RELCH: variants seen among roughly 807,000 people sequenced by gnomAD.
The protein encoded by RELCH is RAB11-binding protein RELCH.
Under a neutral mutation model 150.3 loss-of-function variants are expected in RELCH, and 41 were observed. The ratio of observed to expected loss-of-function variants is 0.27; its 90% CI spans 0.21 to 0.35. The LOEUF (loss-of-function observed/expected upper bound fraction) is 0.35. RELCH is among the 10% of genes least tolerant of loss of function. The pLI, the probability that RELCH is intolerant of heterozygous loss-of-function variation, is 1.00. For synonymous variants in RELCH, 478 were observed against 531.8 expected (o/e 0.90, Z 1.39); for missense variants, 1,092 against 1,467.8 (o/e 0.74, Z 4.18).
intron 11 of RELCH, chr18:62,247,105 G>A (rs2042455447): frequency 6.6e-6 from 1 of 152,192 alleles, no homozygotes; most frequent in Non-Finnish European, 1.5e-5. Flanking sequence ...AGATATCTCA[G>A]GGAGTGAAGC....
chr18:62,211,498 C>T (rs2148313652), intron 2 of RELCH, among the ~76,000 whole-genome samples: 1 of 152,334 alleles, frequency 6.6e-6, no homozygotes, highest in South Asian at 2.1e-4. Context: ...TTTACAACCA[C>T]ACAGTTGTAA....
At chr18:62,290,629 G>A (rs1266027094) in intron 26 of RELCH, among the ~76,000 whole-genome samples, 1 of 152,248 alleles carries the variant, frequency 6.6e-6, no homozygotes, top group African/African-American at 2.4e-5. Flanking sequence ...AAGGGAGAAT[G>A]TATCAGAATT....
intron 2 of RELCH, among the ~76,000 whole-genome samples, chr18:62,217,718 C>T (rs1015904120): frequency 7.9e-5 from 12 of 151,866 alleles, no homozygotes; most frequent in Admixed American, 5.9e-4. Flanking sequence ...AACTTAAAAC[C>T]ACCAGAGTGA....
intron 13 of RELCH, among the ~76,000 whole-genome samples, chr18:62,256,960 T>C (rs577430156): frequency 2.6e-5 from 4 of 152,232 alleles, no homozygotes; most frequent in African/African-American, 4.8e-5. Flanking sequence ...TTTTAAGATA[T>C]GCTAAAATTG....
chr18:62,252,478 C>A lies in RELCH; in HGVS notation c.1734-186C>A, dbSNP rs1337828708. Among the ~76,000 whole-genome samples the A allele has an allele frequency of 5.9e-5, 9 of 151,872 alleles. No individual in the cohort carries two copies. The South Asian group carries it at 1.7e-3, about 28-fold the overall frequency. ...AGGTTGCAGTAAGCCAAGATTATGC[C>A]ACTGCACTCCAGCCTGGGAGACAGC... On this transcript the variant is annotated intron_variant, in intron 11 of 28. Coordinates refer to ENST00000644646, the MANE Select transcript of RELCH (RefSeq NM_001346231.2).
intron 1 of RELCH, among the ~76,000 whole-genome samples, chr18:62,190,643 C>T (rs1384413153): frequency 6.6e-6 from 1 of 152,022 alleles, no homozygotes; most frequent in Non-Finnish European, 1.5e-5. Flanking sequence ...CCCCAGAATT[C>T]CTTCATTCAA....
chr18:62,281,927 C>T lies in RELCH; in HGVS notation c.3115-379C>T, dbSNP rs2044538729. On this transcript the variant is annotated intron_variant, in intron 24 of 28. Coordinates refer to ENST00000644646, the MANE Select transcript of RELCH (RefSeq NM_001346231.2). Reference sequence around the variant, plus strand: ...AGTAAGATGTAAGTCATTAATGACTCATTGCTTTCAGAAGGTGAATAATTG... The same window carrying T: ...AGTAAGATGTAAGTCATTAATGACTTATTGCTTTCAGAAGGTGAATAATTG... 2.6e-5 allele frequency among the ~76,000 whole-genome samples: 4 copies of T among 152,144 alleles called. No individual in the cohort carries two copies. The South Asian group carries it at 8.3e-4, about 32-fold the overall frequency.
intron 27 of RELCH, among the ~76,000 whole-genome samples, chr18:62,298,094 C>T (rs1388908031): frequency 9.4e-6 from 1 of 105,944 alleles, no homozygotes; most frequent in Non-Finnish European, 1.9e-5. Context: ...TTTGCTTTAT[C>T]CCCCCCCGTC....
intron 23 of RELCH, 63 bp downstream of exon 23, chr18:62,279,919 A>T: frequency 1.0e-6 from 1 of 987,254 alleles, no homozygotes; most frequent in Admixed American, 2.1e-5. Context: ...TCAAGAAATA[A>T]CCATCAGCTC....
chr18:62,188,088 C>A, intron 1 of RELCH, 57 bp downstream of exon 1: 1 of 1,464,250 alleles, frequency 6.8e-7, no homozygotes, highest in Non-Finnish European at 9.0e-7. Context: ...TACGGAGTTA[C>A]TGTAGGGGAG....
chr18:62,197,072 A>G (rs2039099004), intron 1 of RELCH, among the ~76,000 whole-genome samples: 1 of 152,202 alleles, frequency 6.6e-6, no homozygotes, highest in Non-Finnish European at 1.5e-5. Flanking sequence ...GGAAAGGAAA[A>G]GGAAGTACAG....
rs916424770 is a variant in RELCH, at chr18:62,266,697, T to C, written c.2632-4T>C. On this transcript the variant is annotated splice_polypyrimidine_tract_variant and splice_region_variant and intron_variant, in intron 18 of 28. Transcript: ENST00000644646. Reference sequence around the variant, plus strand: ...TTTTTGAATCTTCTCTTTGGGTTGCTTAGGTAAAACCTCAGTTCCAGGAGA... The same window carrying C: ...TTTTTGAATCTTCTCTTTGGGTTGCCTAGGTAAAACCTCAGTTCCAGGAGA... 1.9e-6 allele frequency: 3 copies of C among 1,597,838 alleles called. No homozygotes were observed. Among genetic ancestry groups the C allele is most frequent in the Non-Finnish European group, 2.6e-6 (3 of 1,168,676 alleles).
chr18:62,291,663 A>G (rs1389994774), intron 27 of RELCH, 32 bp downstream of exon 27: 4 of 1,360,902 alleles, frequency 2.9e-6, no homozygotes, highest in Middle Eastern at 1.8e-4. Flanking sequence ...TGCCATATTC[A>G]TGTTTTAATA....
chr18:62,303,257 T>C (rs1367010218), intron 28 of RELCH, among the ~76,000 whole-genome samples: 2 of 152,150 alleles, frequency 1.3e-5, no homozygotes, highest in Admixed American at 1.3e-4. Flanking sequence ...GGCCTAGGGA[T>C]CTGCATTTTC....
chr18:62,302,671 T>G (rs1263418803), intron 28 of RELCH, among the ~76,000 whole-genome samples: 1 of 152,058 alleles, frequency 6.6e-6, no homozygotes, highest in East Asian at 1.9e-4. Context: ...ATTACAGGCG[T>G]GCACCATCAT....
chr18:62,207,791 A>C (rs2039905230), intron 1 of RELCH, among the ~76,000 whole-genome samples: 1 of 152,210 alleles, frequency 6.6e-6, no homozygotes, highest in Admixed American at 6.5e-5. Flanking sequence ...TTATCACCCC[A>C]AAAGAAACCC....
intron 2 of RELCH, among the ~76,000 whole-genome samples, chr18:62,212,489 C>T (rs776315238): frequency 1.3e-5 from 2 of 152,196 alleles, no homozygotes; most frequent in Non-Finnish European, 2.9e-5. Flanking sequence ...TTTTGACCAA[C>T]TCTGTTGAAT....
At chr18:62,255,309 T>G in intron 12 of RELCH, 98 bp from the exon 13 acceptor site, 1 of 845,136 alleles carries the variant, frequency 1.2e-6, no homozygotes, top group Non-Finnish European at 2.0e-6. Flanking sequence ...AGAAGCTTTA[T>G]TGCATTCTTA....
intron 7 of RELCH, 107 bp from the exon 8 acceptor site, chr18:62,228,198 A>C (rs1289244880): frequency 2.2e-6 from 2 of 892,646 alleles, no homozygotes; most frequent in African/African-American, 3.4e-5. Flanking sequence ...TTTGCTACTA[A>C]TACTTTTAAA....
Sources: gnomAD v4.1 joint callset for allele counts (sites outside exome capture counted in the v4.1 genomes callset) on GRCh38, gnomAD v4.1.1 for gene constraint, MANE v1.5 for transcripts, NCBI Gene and HGNC (gene_info 2026-07-23, HGNC 2026-07-21) for gene names.